Variants in ZFHX3 observed in about 807,000 individuals in gnomAD.
ZFHX3 encodes the protein zinc finger homeobox protein 3.
A neutral mutation model predicts 279.1 loss-of-function variants in ZFHX3; 42 were observed. That is an observed-to-expected ratio of 0.15 (90% CI 0.12 to 0.19). ZFHX3 has a LOEUF of 0.19. ZFHX3 is among the 10% of genes least tolerant of loss of function. The pLI is 1.00. For missense variants in ZFHX3, 4,981 were observed against 4,754.0 expected (o/e 1.05, Z -1.40); for synonymous variants, 2,293 against 1,957.8 (o/e 1.17, Z -4.52).
chr16:72,862,432 C>T (rs2037911066), intron 4 of ZFHX3, among the ~76,000 whole-genome samples: 2 of 152,168 alleles, frequency 1.3e-5, no homozygotes, highest in South Asian at 4.1e-4. Context: ...TCAGGGTAAA[C>T]AAATATTTAA....
chr16:72,867,536 A>G (rs570212258), intron 4 of ZFHX3, among the ~76,000 whole-genome samples: 23 of 152,324 alleles, frequency 1.5e-4, no homozygotes, highest in African/African-American at 5.3e-4. Context: ...TGCTAACGTT[A>G]ATACCCTCAT....
At chr16:73,394,266 G>A (rs981764638) in intron 3 of ZFHX3, among the ~76,000 whole-genome samples, 3 of 146,986 alleles carry the variant, frequency 2.0e-5, no homozygotes, top group African/African-American at 7.5e-5. Flanking sequence ...GACAGTCTCT[G>A]TCTCATATCT....
chr16:73,583,448 C>T (rs557085896), intron 2 of ZFHX3, among the ~76,000 whole-genome samples: 9 of 152,232 alleles, frequency 5.9e-5, no homozygotes, highest in African/African-American at 2.2e-4. Flanking sequence ...CCCAGAGATA[C>T]CAGTTTTAAT....
chr16:72,812,880 G>A (rs748837864), intron 5 of ZFHX3, among the ~76,000 whole-genome samples: 2 of 152,196 alleles, frequency 1.3e-5, no homozygotes, highest in Non-Finnish European at 2.9e-5. Flanking sequence ...TCTGAAGGAT[G>A]GAAAGGAAAC....
chr16:73,439,383 G>T (rs2018048028), intron 3 of ZFHX3, among the ~76,000 whole-genome samples: 1 of 152,084 alleles, frequency 6.6e-6, no homozygotes, highest in Admixed American at 6.6e-5. Context: ...GCGTGCTATT[G>T]CAACTGACCT....
At chr16:73,009,138 T>C (rs182874170) in intron 1 of ZFHX3, among the ~76,000 whole-genome samples, 4 of 152,190 alleles carry the variant, frequency 2.6e-5, no homozygotes, top group African/African-American at 7.2e-5. Context: ...AATCCCAAAT[T>C]AATTGAATTA....
intron 3 of ZFHX3, among the ~76,000 whole-genome samples, chr16:73,369,937 A>G (rs2016595750): frequency 6.6e-6 from 1 of 152,188 alleles, no homozygotes; most frequent in Non-Finnish European, 1.5e-5. Flanking sequence ...GTTTCAATAT[A>G]TCGCTTGGTC....
chr16:73,574,477 T>C (rs900892525), intron 2 of ZFHX3, among the ~76,000 whole-genome samples: 1 of 152,176 alleles, frequency 6.6e-6, no homozygotes, highest in Non-Finnish European at 1.5e-5. Context: ...CTTCAGATCT[T>C]CTAAATCAAA....
At chr16:72,946,465 A>T (rs1427018666) in intron 3 of ZFHX3, among the ~76,000 whole-genome samples, 3 of 152,240 alleles carry the variant, frequency 2.0e-5, no homozygotes, top group East Asian at 3.8e-4. Context: ...TAAAGTTGAC[A>T]GATTTCCACT....
At chr16:73,738,508 T>C (rs2053627168) in intron 1 of ZFHX3, among the ~76,000 whole-genome samples, 1 of 152,250 alleles carries the variant, frequency 6.6e-6, no homozygotes, top group Non-Finnish European at 1.5e-5. Flanking sequence ...AAATTCTTCA[T>C]TAAGTCGTGA....
At chr16:73,477,776 T>A (rs2143617471) in intron 2 of ZFHX3, among the ~76,000 whole-genome samples, 1 of 152,294 alleles carries the variant, frequency 6.6e-6, no homozygotes, top group Admixed American at 6.5e-5. Flanking sequence ...AGTTACCTTG[T>A]GTCTGGAACA....
intron 1 of ZFHX3, among the ~76,000 whole-genome samples, chr16:73,804,238 C>A (rs928772870): frequency 2.6e-5 from 4 of 152,126 alleles, no homozygotes; most frequent in Admixed American, 2.0e-4. Context: ...ACATTAGTTA[C>A]CTTCTATACA....
chr16:73,231,349 T>C (rs2012766405), intron 5 of ZFHX3, among the ~76,000 whole-genome samples: 1 of 152,094 alleles, frequency 6.6e-6, no homozygotes, highest in South Asian at 2.1e-4. Flanking sequence ...GCAAATCCCA[T>C]TCAATACTAG....
chr16:73,473,302 A>G (rs1474192401), intron 2 of ZFHX3, among the ~76,000 whole-genome samples: 1 of 139,562 alleles, frequency 7.2e-6, no homozygotes, highest in Non-Finnish European at 1.5e-5. Context: ...GTGTCATGGC[A>G]CTCCAGCCCT....
chr16:73,434,679 CATT>C (rs1294445644), intron 3 of ZFHX3, among the ~76,000 whole-genome samples: 2 of 152,048 alleles, frequency 1.3e-5, no homozygotes, highest in Non-Finnish European at 2.9e-5. Context: ...CAGATAACAT[CATT>C]GAGGTTGATC....
intron 1 of ZFHX3, among the ~76,000 whole-genome samples, chr16:72,968,857 C>T (rs58220930): frequency 9.6e-4 from 146 of 152,194 alleles, no homozygotes; most frequent in Non-Finnish European, 1.1e-3. Flanking sequence ...TGAAGGGGCA[C>T]AATGCCTCGA....
chr16:73,101,124 C>G (rs1458206689), intron 7 of ZFHX3, among the ~76,000 whole-genome samples: 5 of 152,168 alleles, frequency 3.3e-5, no homozygotes, highest in Non-Finnish European at 7.3e-5. Context: ...CTTGGACAAT[C>G]TGATACAATC....
upstream of ZFHX3, chr16:73,062,233 C>A (rs1423018309): frequency 1.3e-5 from 2 of 152,116 alleles, no homozygotes; most frequent in Admixed American, 6.5e-5. Context: ...GTGTACATTT[C>A]TCTAGCTCTC....
rs145361431 is a variant in ZFHX3, at chr16:72,796,972, C to G, written c.5710G>C (p.Gly1904Arg). Reference protein sequence around the residue: ...DSAEGGEGNTGPKETLPDALK... With the variant: ...DSAEGGEGNTRPKETLPDALK... ...GCATCTGGCAGTGTTTCCTTCGGAC[C>G]GGTGTTGCCCTCTCCCCCCTCGGCG... Residue 1904 changes from glycine (G) to arginine (R), a missense_variant, in exon 9 of 10, where the codon GGT becomes CGT. Coordinates refer to ENST00000268489, the MANE Select transcript of ZFHX3 (RefSeq NM_006885.4). The G allele has an allele frequency of 6.2e-7, 1 of 1,613,986 alleles. No individual in the cohort carries two copies. Among genetic ancestry groups the G allele is most frequent in the Non-Finnish European group, 8.5e-7 (1 of 1,179,984 alleles).
Sources: gnomAD v4.1 joint callset for allele counts (sites outside exome capture counted in the v4.1 genomes callset) on GRCh38, gnomAD v4.1.1 for gene constraint, MANE v1.5 for transcripts, NCBI Gene and HGNC (gene_info 2026-07-23, HGNC 2026-07-21) for gene names.